TRRAP: variants seen among roughly 807,000 people sequenced by gnomAD.
TRRAP encodes transformation/transcription domain-associated protein.
Under a neutral mutation model 438.8 loss-of-function variants are expected in TRRAP, and 41 were observed. The ratio of observed to expected loss-of-function variants is 0.09; its 90% confidence interval spans 0.07 to 0.12. The LOEUF is 0.12. Ranked by LOEUF, TRRAP falls within the 10% of genes least tolerant of loss-of-function variation. The pLI, the probability that TRRAP is intolerant of heterozygous loss-of-function variation, is 1.00. For synonymous variants in TRRAP, 1,994 were observed against 1,962.9 expected, an observed-to-expected ratio of 1.02 and a Z score of -0.42; for missense variants, 3,122 against 5,055.1, an observed-to-expected ratio of 0.62 and a Z score of 11.60.
At chr7:98,957,252 A>G (rs577116740) in intron 43 of TRRAP, among the ~76,000 whole-genome samples, 26 of 152,140 alleles carry the variant, frequency 1.7e-4, no homozygotes, top group Non-Finnish European at 2.1e-4. Flanking sequence ...GAGCTGCTCA[A>G]CTGCCTCCCT....
Position 99,005,108 on chromosome 7 carries a change from C to T in TRRAP, c.10536-23C>T. On this transcript the variant is annotated intron_variant, in intron 68 of 72. Transcript: ENST00000456197. This position sits in a 1 kb window ranked among gnomAD's most constrained non-coding sequence, Gnocchi z 5.1. The stretch of plus-strand genomic sequence containing the variant: ...TGGTAGCAGAGATGCAGGGCATGTC[C>T]TCATGGCTTCTCGCTCTGGCAGGTT... The T allele has an allele frequency of 6.2e-7, 1 of 1,611,458 alleles. No homozygotes were observed. The highest frequency in any genetic ancestry group is 8.5e-7 in the Non-Finnish European group (1 of 1,179,158).
At position 98,956,703 on chromosome 7, in the gene TRRAP, T is replaced by C. The variant is rs1047150212; in HGVS notation, c.6231+170T>C. 6.6e-6 allele frequency among the ~76,000 whole-genome samples: 1 copy of C among 152,136 alleles called. No homozygotes were observed. The highest frequency in any genetic ancestry group is 2.4e-5 in the African/African-American group (1 of 41,416). On this transcript the variant is annotated intron_variant, in intron 43 of 72. Coordinates refer to ENST00000456197, the MANE Select transcript of TRRAP (RefSeq NM_001375524.1). The surrounding 1 kb of genome is among the most constrained non-coding windows in gnomAD (Gnocchi z 4.5). ...CAGGACATGTCACTCATGCAAGGGG[T>C]TCCCAGGTCACCAGACATGCTTGCC...
intron 16 of TRRAP, among the ~76,000 whole-genome samples, 175 bp from the exon 17 acceptor site, chr7:98,910,902 A>G (rs1165002720): frequency 6.0e-5 from 9 of 150,736 alleles, no homozygotes; most frequent in African/African-American, 1.7e-4. Flanking sequence ...TTTTTTTTTA[A>G]TTCTTTGCCA....
chr7:98,901,396 G>T (rs1396335704), intron 11 of TRRAP, among the ~76,000 whole-genome samples: 1 of 152,230 alleles, frequency 6.6e-6, no homozygotes, highest in African/African-American at 2.4e-5. Flanking sequence ...GTCACATATG[G>T]AGTTAGGGCT....
rs782290305 is a variant in TRRAP at position 98,908,982 on chromosome 7, TATCATCC to T, written c.1350+24_1350+30del. 192 of 1,603,492 alleles carry T rather than the reference TATCATCC, an allele frequency of 1.2e-4. 1 individual carries two copies. In the Admixed American group the frequency reaches 3.2e-3, roughly 27 times the overall value. On this transcript the variant is annotated intron_variant, in intron 14 of 72. Transcript: ENST00000456197. This position sits in a 1 kb window ranked among gnomAD's most constrained non-coding sequence, Gnocchi z 4.1. Reference sequence around the variant, plus strand: ...CTGGAGGTACCAGCTCTTCTGAGAGTATCATCCATCCTGCACTCTATCCTGTTTGTGG... The same window carrying T: ...CTGGAGGTACCAGCTCTTCTGAGAGTATCCTGCACTCTATCCTGTTTGTGG...
chr7:98,929,610 AT>A (rs1250818451), intron 23 of TRRAP, among the ~76,000 whole-genome samples: 12 of 146,494 alleles, frequency 8.2e-5, no homozygotes, highest in Non-Finnish European at 7.6e-5. Flanking sequence ...TTTTTAATTT[AT>A]TTTTTTTTTG....
chr7:98,880,444 A>G (rs1290667546), intron 1 of TRRAP, among the ~76,000 whole-genome samples: 3 of 151,636 alleles, frequency 2.0e-5, no homozygotes, highest in African/African-American at 4.8e-5. Flanking sequence ...TTGTATTTTT[A>G]GTAGAGATGG....
intron 22 of TRRAP, among the ~76,000 whole-genome samples, chr7:98,925,949 C>A (rs2116489034): frequency 6.6e-6 from 1 of 152,320 alleles, no homozygotes; most frequent in Non-Finnish European, 1.5e-5. Flanking sequence ...TAGACCCACA[C>A]AGGCTTCAGG....
chr7:98,932,387 A>G (rs1345414925), intron 26 of TRRAP, among the ~76,000 whole-genome samples: 1 of 152,220 alleles, frequency 6.6e-6, no homozygotes, highest in African/African-American at 2.4e-5. Flanking sequence ...TGCTGGGATT[A>G]CAGGCATGAG....
chr7:98,885,610 A>G (rs183325451), intron 3 of TRRAP, among the ~76,000 whole-genome samples: 14 of 152,206 alleles, frequency 9.2e-5, no homozygotes, highest in African/African-American at 3.1e-4. Context: ...TGAGATATTT[A>G]GAGATCTAGC....
At position 98,958,023 on chromosome 7, in the gene TRRAP, C is replaced by G. The variant is rs1791705771; in HGVS notation, c.6274C>G (p.Leu2092Val). The G allele has an allele frequency of 1.9e-6, 3 of 1,614,208 alleles. No individual in the cohort carries two copies. Among genetic ancestry groups the G allele is most frequent in the Non-Finnish European group, 2.5e-6 (3 of 1,180,042 alleles). ...GTCGCTACCTGGAGCAGACTCTCTC[C>G]TCGCCAAGCCCATTGACAAGCAGCA... ...SQSLPGADSL[L>V]AKPIDKQHTD... Residue 2092 changes from leucine (L) to valine (V), a missense_variant, in exon 44 of 73, where the codon CTC (leucine) becomes GTC (valine). Physicochemically the swap from Leu to Val is conservative, Grantham distance 32. Transcript: ENST00000456197.
intron 53 of TRRAP, among the ~76,000 whole-genome samples, chr7:98,975,539 G>C (rs990125649): frequency 1.3e-5 from 2 of 152,236 alleles, no homozygotes; most frequent in Admixed American, 6.5e-5. Context: ...ACACAACTGT[G>C]AATTTGCTGT....
intron 35 of TRRAP, among the ~76,000 whole-genome samples, chr7:98,949,194 T>G (rs1791215528): frequency 6.6e-6 from 1 of 151,906 alleles, no homozygotes. Flanking sequence ...ATTTTACCAC[T>G]GCACTTCAGC....
intron 41 of TRRAP, 134 bp downstream of exon 41, chr7:98,955,438 T>A: frequency 1.1e-6 from 1 of 928,050 alleles, no homozygotes; most frequent in Non-Finnish European, 1.6e-6. Context: ...CATTGATTAG[T>A]TTGTGTATGT....
intron 11 of TRRAP, 50 bp from the exon 12 acceptor site, chr7:98,903,329 T>A: frequency 6.3e-7 from 1 of 1,596,066 alleles, no homozygotes; most frequent in Non-Finnish European, 8.5e-7. Context: ...TGAATTTTTC[T>A]TAACACTCTC....
intron 67 of TRRAP, among the ~76,000 whole-genome samples, chr7:98,996,689 A>C (rs1793674950): frequency 6.6e-6 from 1 of 152,248 alleles, no homozygotes; most frequent in Non-Finnish European, 1.5e-5. Flanking sequence ...GAAGTGCATG[A>C]AACTATCTGG....
chr7:98,930,340 G>A, intron 24 of TRRAP, 134 bp downstream of exon 24: 3 of 1,154,106 alleles, frequency 2.6e-6, no homozygotes, highest in Non-Finnish European at 3.6e-6. Context: ...ACTTTGAGAG[G>A]CCAAGGCGGG....
chr7:99,012,584 C>G lies in TRRAP; in HGVS notation c.*229C>G. 1.8e-6 allele frequency: 1 copy of G among 568,128 alleles called. No individual in the cohort carries two copies. The highest frequency in any genetic ancestry group is 3.0e-6 in the Non-Finnish European group (1 of 331,620). The allele number at this position is 568,128 out of a possible 1,614,324, so 35.2% of individuals were successfully genotyped here. A position where few individuals can be genotyped will look rare whatever the true frequency, so the allele number is the denominator to read the frequency against. On this transcript the variant is annotated 3_prime_UTR_variant, in exon 73 of 73. Transcript: ENST00000456197. This position sits in a 1 kb window ranked among gnomAD's most constrained non-coding sequence, Gnocchi z 5.9. Reference sequence around the variant, plus strand: ...GCGGTTGGAAATGGCAGAGCTGAAACTTATTCCAAGCTTTCAAAATAATCT... The same window carrying G: ...GCGGTTGGAAATGGCAGAGCTGAAAGTTATTCCAAGCTTTCAAAATAATCT...
chr7:98,930,030 A>G lies in TRRAP; in HGVS notation c.3217A>G (p.Ser1073Gly), dbSNP rs913513931. 22 of 1,614,104 alleles carry G rather than the reference A, an allele frequency of 1.4e-5. No homozygotes were observed. Among genetic ancestry groups the G allele is most frequent in the Non-Finnish European group, 6.8e-6 (8 of 1,180,060 alleles). Reference protein sequence around the residue: ...LPCYQVGSQPSTAMFHSEENG... With the variant: ...LPCYQVGSQPGTAMFHSEENG... ...TTGCTACCAGGTGGGCAGCCAGCCC[A>G]GCACAGCCATGTTTCACAGTGAAGA... is the stretch of plus-strand genomic sequence containing the variant. Residue 1073 changes from serine (S) to glycine (G), a missense_variant, in exon 24 of 73, where the codon AGC (serine) becomes GGC (glycine). By Grantham distance (56) the Ser-to-Gly change is moderately conservative. Transcript: ENST00000456197.
Sources: allele counts gnomAD v4.1 joint callset (sites outside exome capture counted in the v4.1 genomes callset), GRCh38; gene constraint gnomAD v4.1.1; non-coding constraint Gnocchi (gnomAD v3.1); transcripts MANE v1.5; gene names NCBI Gene and HGNC (gene_info 2026-07-23, HGNC 2026-07-21).